GMDS: variants seen among roughly 807,000 people sequenced by gnomAD.
GMDS encodes the protein GDP-mannose 4,6 dehydratase.
Under a neutral mutation model 49.9 loss-of-function variants are expected in GMDS, and 20 were observed. That is an observed-to-expected ratio of 0.40 (90% CI 0.28 to 0.58). The LOEUF is 0.58. Ranked by LOEUF, GMDS falls within the 20% of genes least tolerant of loss-of-function variation. The pLI is 0.42. For missense variants in GMDS, 362 were observed against 481.4 expected (o/e 0.75, Z 2.32); for synonymous variants, 177 against 178.6 (o/e 0.99, Z 0.07).
chr6:1,789,604 C>T (rs1379606369), intron 7 of GMDS, among the ~76,000 whole-genome samples: 5 of 150,996 alleles, frequency 3.3e-5, no homozygotes, highest in African/African-American at 4.9e-5. Context: ...GGTGCGATCA[C>T]GGCTCCCTGC....
At chr6:2,078,698 T>C (rs747866501) in intron 4 of GMDS, among the ~76,000 whole-genome samples, 10 of 152,108 alleles carry the variant, frequency 6.6e-5, no homozygotes, top group Non-Finnish European at 1.3e-4. Context: ...TTCTGGAGAA[T>C]ATTCCATGTG....
intron 1 of GMDS, among the ~76,000 whole-genome samples, chr6:2,157,345 T>C (rs1424871178): frequency 6.6e-6 from 1 of 152,200 alleles, no homozygotes; most frequent in African/African-American, 2.4e-5. Context: ...GCATTCAAAT[T>C]CTTTGTCTTC....
At chr6:1,860,401 T>C (rs1343570566) in intron 7 of GMDS, among the ~76,000 whole-genome samples, 2 of 152,132 alleles carry the variant, frequency 1.3e-5, no homozygotes, top group Non-Finnish European at 2.9e-5. Flanking sequence ...ATTTATATGA[T>C]ATCCTGGAAA....
chr6:2,091,099 T>C (rs760744558), intron 4 of GMDS, among the ~76,000 whole-genome samples: 1 of 152,226 alleles, frequency 6.6e-6, no homozygotes, highest in Non-Finnish European at 1.5e-5. Context: ...GACTTCATAA[T>C]GTTTAGTTGG....
intron 7 of GMDS, among the ~76,000 whole-genome samples, chr6:1,875,362 G>A (rs1439045770): frequency 1.3e-5 from 2 of 150,470 alleles, no homozygotes; most frequent in Non-Finnish European, 3.0e-5. Context: ...GGACTGGAAA[G>A]ATATGTATCA....
intron 4 of GMDS, among the ~76,000 whole-genome samples, chr6:2,075,617 T>G (rs1772290160): frequency 6.6e-6 from 1 of 152,234 alleles, no homozygotes. Flanking sequence ...TAGTTTTCCA[T>G]GGTGTATATG....
chr6:1,671,666 C>CT (rs35355483), intron 9 of GMDS, among the ~76,000 whole-genome samples: 58,221 of 132,674 alleles, frequency 0.44, 13,622 homozygotes, highest in Middle Eastern at 0.61. Context: ...CTTTTAATTA[C>CT]TTTTTTTTTT....
chr6:2,075,659 T>A (rs538520937), intron 4 of GMDS, among the ~76,000 whole-genome samples: 2 of 152,314 alleles, frequency 1.3e-5, no homozygotes, highest in South Asian at 4.1e-4. Flanking sequence ...TCTATCATTG[T>A]TGGACATTTG....
chr6:1,797,076 A>C (rs1327521624), intron 7 of GMDS, among the ~76,000 whole-genome samples: 1 of 152,204 alleles, frequency 6.6e-6, no homozygotes, highest in Non-Finnish European at 1.5e-5. Flanking sequence ...GCCGCAAAGC[A>C]GGAGGTGAGC....
chr6:1,986,931 A>T (rs958474700), intron 4 of GMDS, among the ~76,000 whole-genome samples: 3 of 152,180 alleles, frequency 2.0e-5, no homozygotes, highest in Non-Finnish European at 2.9e-5. Flanking sequence ...AAGAGACAAC[A>T]TTTTTTCAAA....
intron 4 of GMDS, among the ~76,000 whole-genome samples, chr6:1,962,266 C>T (rs1370661808): frequency 6.6e-6 from 1 of 152,110 alleles, no homozygotes; most frequent in East Asian, 1.9e-4. Context: ...CTCTCTGGTC[C>T]CCAACTCTCA....
At chr6:1,724,224 A>C (rs544966736) in intron 9 of GMDS, among the ~76,000 whole-genome samples, 1 of 152,364 alleles carries the variant, frequency 6.6e-6, no homozygotes. Context: ...AATCGGTGGA[A>C]AAATAAAGCA....
intron 4 of GMDS, among the ~76,000 whole-genome samples, chr6:2,069,121 A>C (rs1043258774): frequency 9.2e-5 from 14 of 152,238 alleles, no homozygotes; most frequent in African/African-American, 1.2e-4. Context: ...CGCGTATCTA[A>C]AACTATCTGA....
chr6:1,702,184 A>G (rs1765566032), intron 9 of GMDS, among the ~76,000 whole-genome samples: 1 of 152,172 alleles, frequency 6.6e-6, no homozygotes, highest in South Asian at 2.1e-4. Flanking sequence ...CAGTAGCTGG[A>G]CTCCGACTCT....
chr6:1,659,277 C>A (rs1053782151), intron 9 of GMDS, among the ~76,000 whole-genome samples: 1 of 151,830 alleles, frequency 6.6e-6, no homozygotes, highest in African/African-American at 2.4e-5. Context: ...GTTTCAACTG[C>A]ACGATTCAGT....
chr6:1,918,244 G>C (rs1393379004), intron 7 of GMDS, among the ~76,000 whole-genome samples: 1 of 152,054 alleles, frequency 6.6e-6, no homozygotes, highest in Admixed American at 6.5e-5. Context: ...TAACAAATGA[G>C]ATCCTTGAAA....
intron 7 of GMDS, among the ~76,000 whole-genome samples, chr6:1,748,379 A>G (rs1561778591): frequency 6.6e-6 from 1 of 152,120 alleles, no homozygotes; most frequent in African/African-American, 2.4e-5. Flanking sequence ...TTTTACATCT[A>G]TCACCTCCGA....
At chr6:1,876,518 GAA>G (rs1286942620) in intron 7 of GMDS, among the ~76,000 whole-genome samples, 1 of 152,186 alleles carries the variant, frequency 6.6e-6, no homozygotes, top group Non-Finnish European at 1.5e-5. Flanking sequence ...TTGGCTGGTA[GAA>G]AAGAGAGGAG....
chr6:1,910,598 A>C (rs762864641), intron 7 of GMDS, among the ~76,000 whole-genome samples: 2 of 152,116 alleles, frequency 1.3e-5, no homozygotes, highest in African/African-American at 4.8e-5. Flanking sequence ...CGGTGAAGTG[A>C]TTGTAGGAGG....
Sources: gnomAD v4.1 joint callset for allele counts (sites outside exome capture counted in the v4.1 genomes callset) on GRCh38, gnomAD v4.1.1 for gene constraint, MANE v1.5 for transcripts, NCBI Gene and HGNC (gene_info 2026-07-23, HGNC 2026-07-21) for gene names.